The following SMC4 variants were observed in gnomAD, a reference collection of about 807,000 sequenced individuals.
SMC4 encodes structural maintenance of chromosomes protein 4.
Under a neutral mutation model 145.6 loss-of-function variants are expected in SMC4, and 87 were observed. The observed-to-expected ratio is 0.60, with a 90% CI of 0.50 to 0.71. SMC4 has a LOEUF of 0.71. Ranked by LOEUF, SMC4 falls within the 30% of genes least tolerant of loss-of-function variation. SMC4 has a pLI of 0.00. For synonymous variants in SMC4, 558 were observed against 500.7 expected, an observed-to-expected ratio of 1.11 and a Z score of -1.53; for missense variants, 1,447 against 1,537.1, an observed-to-expected ratio of 0.94 and a Z score of 0.98.
In SMC4 at chr3:160,434,627, A is replaced by G. The variant is rs747243996; in HGVS notation, c.*818A>G. The stretch of plus-strand genomic sequence containing the variant: ...TTAATTACTTTAGTAATAAGTGGAA[A>G]GTAAGATACCTTGAGTAATGTTTGC... On this transcript the variant is annotated 3_prime_UTR_variant, in exon 24 of 24. Transcript: ENST00000357388. The G allele has an allele frequency of 6.6e-6, 1 of 152,236 alleles. No individual in the cohort carries two copies. The highest frequency in any genetic ancestry group is 1.5e-5 in the Non-Finnish European group (1 of 68,038). 9.4% of individuals were successfully genotyped at this position (152,236 alleles called of 1,614,324 possible). A position where few individuals can be genotyped will look rare whatever the true frequency, so the allele number is the denominator to read the frequency against.
intron 13 of SMC4, among the ~76,000 whole-genome samples, chr3:160,422,775 C>A (rs1335141249): frequency 1.3e-5 from 2 of 151,952 alleles, no homozygotes; most frequent in African/African-American, 2.4e-5. Flanking sequence ...TCTAAAAGTT[C>A]TATAGTTTTG....
rs770777464 is a variant in SMC4 at position 160,404,589 on chromosome 3, T to C, written c.687+85T>C. 1.0e-5 allele frequency: 13 copies of C among 1,293,598 alleles called. No individual in the cohort carries two copies. In the East Asian group the frequency reaches 2.3e-4, roughly 23 times the overall value. The allele number at this position is 1,293,598 out of a possible 1,614,324, so 80.1% of individuals were successfully genotyped here. ...CTAGGTTGGATGAATCCTACATTTT[T>C]GAGGCCTTAAAGTACTGTAGCAGCA... On this transcript the variant is annotated intron_variant, in intron 5 of 23. Coordinates refer to ENST00000357388, the MANE Select transcript of SMC4 (RefSeq NM_001002800.3).
intron 10 of SMC4, 66 bp from the exon 11 acceptor site, chr3:160,417,657 G>GT: frequency 3.3e-6 from 4 of 1,195,690 alleles, no homozygotes; most frequent in Non-Finnish European, 4.8e-6. Context: ...AAAATGTATG[G>GT]TTTCATTTCA....
At chr3:160,425,530 T>C (rs1309062496) in intron 16 of SMC4, among the ~76,000 whole-genome samples, 2 of 152,222 alleles carry the variant, frequency 1.3e-5, no homozygotes, top group Non-Finnish European at 2.9e-5. Flanking sequence ...TCTTAAATTA[T>C]GGTTTTCTTT....
intron 3 of SMC4, 83 bp from the exon 4 acceptor site, chr3:160,402,593 A>G: frequency 1.4e-6 from 2 of 1,414,088 alleles, no homozygotes; most frequent in Admixed American, 5.1e-5. Flanking sequence ...AAGTAAAAAA[A>G]TCTAACAGTT....
intron 7 of SMC4, among the ~76,000 whole-genome samples, chr3:160,413,029 A>G (rs1716183242): frequency 6.6e-6 from 1 of 151,896 alleles, no homozygotes. Context: ...AACCTTCCGG[A>G]CTCAGTTGAT....
chr3:160,412,208 T>G lies in SMC4; in HGVS notation c.853-118T>G. The G allele has an allele frequency of 2.8e-6, 4 of 1,417,136 alleles. No homozygotes were observed. The Admixed American group carries it at 9.3e-5, about 33-fold the overall frequency. 87.8% of individuals were successfully genotyped at this position (1,417,136 alleles called of 1,614,324 possible). On this transcript the variant is annotated intron_variant, in intron 6 of 23. Coordinates refer to ENST00000357388, the MANE Select transcript of SMC4 (RefSeq NM_001002800.3). Reference sequence around the variant, plus strand: ...GAAGTGTTATATTGAAATTTATATCTTAACATTTAAGATGAACATTCTCCT... The same window carrying G: ...GAAGTGTTATATTGAAATTTATATCGTAACATTTAAGATGAACATTCTCCT...
At chr3:160,422,408 T>TA (rs1717280777) in intron 13 of SMC4, among the ~76,000 whole-genome samples, 1 of 152,234 alleles carries the variant, frequency 6.6e-6, no homozygotes, top group Admixed American at 6.5e-5. Context: ...TATGAAGTGG[T>TA]ATCTCATGGT....
intron 12 of SMC4, among the ~76,000 whole-genome samples, chr3:160,420,060 G>T (rs1207678319): frequency 1.3e-5 from 2 of 152,224 alleles, no homozygotes; most frequent in Non-Finnish European, 2.9e-5. Flanking sequence ...GCTAGCAATA[G>T]TGAGGACCAT....
chr3:160,413,003 G>A (rs1409691604), intron 7 of SMC4, among the ~76,000 whole-genome samples: 2 of 151,994 alleles, frequency 1.3e-5, no homozygotes, highest in South Asian at 2.1e-4. Context: ...GTGTGATCAC[G>A]GCTCACTGCA....
chr3:160,418,287 A>G (rs148047399), intron 11 of SMC4, among the ~76,000 whole-genome samples: 2 of 152,368 alleles, frequency 1.3e-5, no homozygotes, highest in East Asian at 3.9e-4. Flanking sequence ...ATGTATTTAT[A>G]TAATGAATAT....
chr3:160,421,107 T>C (rs964380431), intron 13 of SMC4, among the ~76,000 whole-genome samples: 5 of 152,054 alleles, frequency 3.3e-5, no homozygotes, highest in African/African-American at 1.2e-4. Context: ...TTTTTTTGTA[T>C]TTTCAGTAGA....
intron 5 of SMC4, among the ~76,000 whole-genome samples, chr3:160,407,572 C>CTT (rs538624861): frequency 3.6e-5 from 5 of 140,066 alleles, no homozygotes; most frequent in East Asian, 2.1e-4. Context: ...TAGCCAAGTT[C>CTT]TTTTTTTTTT....
Position 160,428,658 on chromosome 3 carries a change from C to T in SMC4, c.2606-95C>T. On this transcript the variant is annotated intron_variant, in intron 17 of 23. Transcript: ENST00000357388. ...ATGCCTAAAATTTGTTTTAATGCATCACGTCAAGTCATAGCAACTGAAGAA... is the reference window on the plus strand; with the variant it reads ...ATGCCTAAAATTTGTTTTAATGCATTACGTCAAGTCATAGCAACTGAAGAA... 5.2e-6 allele frequency: 6 copies of T among 1,143,410 alleles called. No homozygotes were observed. The East Asian group carries it at 8.6e-5, about 16-fold the overall frequency. The allele number at this position is 1,143,410 out of a possible 1,614,324, so 70.8% of individuals were successfully genotyped here. A position where few individuals can be genotyped will look rare whatever the true frequency, so the allele number is the denominator to read the frequency against.
At chr3:160,402,330 C>T (rs1045841140) in intron 3 of SMC4, among the ~76,000 whole-genome samples, 1 of 152,040 alleles carries the variant, frequency 6.6e-6, no homozygotes, top group African/African-American at 2.4e-5. Flanking sequence ...ACAAAGTTTT[C>T]CATTGAATGG....
chr3:160,405,953 A>G (rs1244241413), intron 5 of SMC4, among the ~76,000 whole-genome samples: 1 of 152,026 alleles, frequency 6.6e-6, no homozygotes, highest in Non-Finnish European at 1.5e-5. Context: ...GGGATAATCA[A>G]AGTTTTACAT....
At chr3:160,421,309 T>G (rs368964199) in intron 13 of SMC4, among the ~76,000 whole-genome samples, 1 of 152,224 alleles carries the variant, frequency 6.6e-6, no homozygotes, top group Non-Finnish European at 1.5e-5. Flanking sequence ...AGTGAACACC[T>G]GATGGGTTTT....
chr3:160,418,399 C>G (rs748351976), intron 11 of SMC4, among the ~76,000 whole-genome samples: 1 of 152,126 alleles, frequency 6.6e-6, no homozygotes. Context: ...TATAGCTTAT[C>G]GGTGCCTGTC....
intron 16 of SMC4, among the ~76,000 whole-genome samples, chr3:160,425,846 T>A (rs1401565690): frequency 1.3e-5 from 2 of 152,198 alleles, no homozygotes; most frequent in African/African-American, 4.8e-5. Flanking sequence ...TCTACATAAG[T>A]TTGCTACCTT....
Sources: allele counts gnomAD v4.1 joint callset (sites outside exome capture counted in the v4.1 genomes callset), GRCh38; gene constraint gnomAD v4.1.1; transcripts MANE v1.5; gene names NCBI Gene and HGNC (gene_info 2026-07-23, HGNC 2026-07-21).